Variants in TRPM6 observed in about 807,000 individuals in gnomAD.
TRPM6 encodes transient receptor potential cation channel subfamily M member 6, also known as channel kinase 2.
In TRPM6, 111 loss-of-function variants were observed where a neutral mutation model predicts 247.6. The ratio of observed to expected loss-of-function variants is 0.45; its 90% CI spans 0.38 to 0.52. The LOEUF (loss-of-function observed/expected upper bound fraction) is 0.52. Among genes scored for constraint, TRPM6 ranks in the 20% least tolerant of loss-of-function variants. The probability of loss-of-function intolerance (pLI) is 0.00; values close to 1 mark genes in which losing one functional copy is unlikely to be tolerated. For missense variants in TRPM6, 2,126 were observed against 2,421.5 expected (o/e 0.88, Z 2.56); for synonymous variants, 892 against 853.8 (o/e 1.04, Z -0.78).
chr9:74,745,983 C>T (rs2118764723), intron 31 of TRPM6, among the ~76,000 whole-genome samples: 1 of 152,280 alleles, frequency 6.6e-6, no homozygotes, highest in South Asian at 2.1e-4. Flanking sequence ...GGGCCCACGC[C>T]TGTAATCCCA....
Position 74,792,469 on chromosome 9 carries a change from C to T in TRPM6, c.2538+155G>A, listed in dbSNP as rs535004193. Among the ~76,000 whole-genome samples, 3 of 152,312 alleles carry T rather than the reference C, an allele frequency of 2.0e-5. No homozygotes were observed. In the South Asian group the frequency reaches 6.2e-4, roughly 32 times the overall value. On this transcript the variant is annotated intron_variant, in intron 19 of 38. Transcript: ENST00000360774. ...ACCCTAACTTCTCCCTGCCTTCCTCCAGTCCTCTTTGCTACCTACTTTGTC... is the reference window on the plus strand; with the variant it reads ...ACCCTAACTTCTCCCTGCCTTCCTCTAGTCCTCTTTGCTACCTACTTTGTC...
chr9:74,820,137 G>A (rs1052818310), intron 9 of TRPM6, 167 bp downstream of exon 9: 1 of 703,082 alleles, frequency 1.4e-6, no homozygotes, highest in African/African-American at 1.8e-5. Flanking sequence ...CCATGCATTA[G>A]CTATTTATCC....
chr9:74,825,472 T>A (rs1829301432), intron 7 of TRPM6, among the ~76,000 whole-genome samples: 1 of 151,880 alleles, frequency 6.6e-6, no homozygotes. Flanking sequence ...TGTGTGTGTG[T>A]GTGTGTGTGT....
intron 25 of TRPM6, among the ~76,000 whole-genome samples, chr9:74,767,422 T>C (rs1035880888): frequency 6.6e-6 from 1 of 152,184 alleles, no homozygotes; most frequent in African/African-American, 2.4e-5. Flanking sequence ...TTTTCCACTG[T>C]CGCAACTCAC....
rs551456239 is a variant in TRPM6, at chr9:74,815,444, C to T, written c.1308+1225G>A. Among the ~76,000 whole-genome samples, 26 of 152,212 alleles carry T rather than the reference C, an allele frequency of 1.7e-4. No homozygotes were observed. In the South Asian group the frequency reaches 5.2e-3, roughly 30 times the overall value. ...CTCAAAATATGTATCTCTCATACTCCCTTTCTCAGGAACTTATTGACACAT... is the reference window on the plus strand; with the variant it reads ...CTCAAAATATGTATCTCTCATACTCTCTTTCTCAGGAACTTATTGACACAT... On this transcript the variant is annotated intron_variant, in intron 11 of 38. Coordinates refer to ENST00000360774, the MANE Select transcript of TRPM6 (RefSeq NM_017662.5).
chr9:74,853,126 GTC>G (rs1830404723), intron 3 of TRPM6, among the ~76,000 whole-genome samples: 1 of 150,780 alleles, frequency 6.6e-6, no homozygotes, highest in Non-Finnish European at 1.5e-5. Context: ...ACTGAGGAGT[GTC>G]TCTGCTCGAC....
At position 74,842,185 on chromosome 9, in the gene TRPM6, T is replaced by C; in HGVS notation, c.311A>G (p.Glu104Gly). ...TFGTINFQDG[E>G]HTHHAKYIRT... ...GCAAACCTTGGCATGATGGGTGTGC[T>C]CTCCATCTTGGAAATTAATCGTGCC... The change falls in exon 4 of 39, where the codon GAG becomes GGG. Residue 104 changes from glutamate (E) to glycine (G), a missense_variant. Around this residue, in one of 3 missense-constraint regions of TRPM6, gnomAD observed 1,082 missense variants for 1,307.9 expected, o/e 0.83. Coordinates refer to ENST00000360774, the MANE Select transcript of TRPM6 (RefSeq NM_017662.5). The C allele has an allele frequency of 6.2e-7, 1 of 1,613,968 alleles. No homozygotes were observed. Among genetic ancestry groups the C allele is most frequent in the African/African-American group, 1.3e-5 (1 of 75,000 alleles).
intron 11 of TRPM6, among the ~76,000 whole-genome samples, chr9:74,814,107 A>G (rs1828838398): frequency 6.6e-6 from 1 of 152,214 alleles, no homozygotes; most frequent in Non-Finnish European, 1.5e-5. Context: ...AAAGAAAAAG[A>G]AAATATTGGA....
chr9:74,872,229 T>C (rs1831050050), intron 1 of TRPM6, among the ~76,000 whole-genome samples: 2 of 152,126 alleles, frequency 1.3e-5, no homozygotes, highest in Non-Finnish European at 2.9e-5. Flanking sequence ...CAAGCAATCA[T>C]CCTGCCTTGT....
intron 12 of TRPM6, among the ~76,000 whole-genome samples, chr9:74,811,551 A>G (rs1232608933): frequency 6.6e-6 from 1 of 152,246 alleles, no homozygotes; most frequent in Non-Finnish European, 1.5e-5. Flanking sequence ...GTACAGGAAC[A>G]GTATTTTAAT....
chr9:74,887,681 GT>G, intron 1 of TRPM6, 142 bp downstream of exon 1: 1 of 1,605,660 alleles, frequency 6.2e-7, no homozygotes, highest in Non-Finnish European at 8.5e-7. Context: ...TTGAAAGCCG[GT>G]ATTTCATAAA....
rs530958438 is a variant in TRPM6 at position 74,761,894 on chromosome 9, G to C, written c.4673-86C>G. 6 of 1,497,806 alleles carry C rather than the reference G, an allele frequency of 4.0e-6. No individual in the cohort carries two copies. The Admixed American group carries it at 6.7e-5, about 17-fold the overall frequency. The allele number at this position is 1,497,806 out of a possible 1,614,324, so 92.8% of individuals were successfully genotyped here. Reference sequence around the variant, plus strand: ...ACAGAAAAAGCTGAGAGAATGGGGAGAATGACAATGTGGTTAAGAGTCACA... The same window carrying C: ...ACAGAAAAAGCTGAGAGAATGGGGACAATGACAATGTGGTTAAGAGTCACA... On this transcript the variant is annotated intron_variant, in intron 26 of 38. Coordinates refer to ENST00000360774, the MANE Select transcript of TRPM6 (RefSeq NM_017662.5).
At chr9:74,863,001 T>G (rs1416530125) in intron 1 of TRPM6, among the ~76,000 whole-genome samples, 3 of 151,848 alleles carry the variant, frequency 2.0e-5, no homozygotes, top group African/African-American at 7.3e-5. Context: ...AATAAATAGT[T>G]TTATGCATGA....
intron 32 of TRPM6, among the ~76,000 whole-genome samples, chr9:74,743,772 C>T (rs1825938513): frequency 6.6e-6 from 1 of 152,184 alleles, no homozygotes. Context: ...TTCCCCAGTC[C>T]AAAACATTGA....
In TRPM6 at chr9:74,848,408, A is replaced by G. The variant is rs938271987; in HGVS notation, c.153-6065T>C. Among the ~76,000 whole-genome samples, 3 of 152,172 alleles carry G rather than the reference A, an allele frequency of 2.0e-5. No homozygotes were observed. The East Asian group carries it at 5.8e-4, about 29-fold the overall frequency. ...GTAGCATGGCTAGGCTGGACAAAGG[A>G]ATGATTCGTGTCCTAGGTTGGACAA... On this transcript the variant is annotated intron_variant, in intron 3 of 38. Transcript: ENST00000360774.
chr9:74,869,453 CAAAA>C (rs775850642), intron 1 of TRPM6, among the ~76,000 whole-genome samples: 3 of 76,794 alleles, frequency 3.9e-5, no homozygotes, highest in African/African-American at 4.9e-5. Flanking sequence ...GACTCCATCT[CAAAA>C]AAAAAAAAAA....
chr9:74,806,332 C>G (rs1828526650), intron 14 of TRPM6, among the ~76,000 whole-genome samples: 1 of 151,950 alleles, frequency 6.6e-6, no homozygotes, highest in Admixed American at 6.6e-5. Context: ...CACCGTGTTG[C>G]CCAGGCTGGT....
At chr9:74,820,548 A>G in intron 8 of TRPM6, 121 bp from the exon 9 acceptor site, 1 of 1,251,988 alleles carries the variant, frequency 8.0e-7, no homozygotes, top group Non-Finnish European at 1.1e-6. Flanking sequence ...CAGTTCTGCC[A>G]GAAGAGCAAA....
At chr9:74,812,903 A>G (rs59108962) in intron 11 of TRPM6, among the ~76,000 whole-genome samples, 32,209 of 152,166 alleles carry the variant, frequency 0.21, 3,531 homozygotes, top group South Asian at 0.25. Flanking sequence ...TGAATGAATG[A>G]ATGAATAAAT....
Sources: gnomAD v4.1 joint callset for allele counts (sites outside exome capture counted in the v4.1 genomes callset) on GRCh38, gnomAD v4.1.1 for gene constraint, gnomAD v4.1.1 regional missense constraint, MANE v1.5 for transcripts, NCBI Gene and HGNC (gene_info 2026-07-23, HGNC 2026-07-21) for gene names.